The following SCHIP1 variants were observed in gnomAD, a reference collection of about 807,000 sequenced individuals.
SCHIP1 encodes the protein schwannomin-interacting protein 1.
SCHIP1 carries 8 observed loss-of-function variants against 29.7 expected under a neutral mutation model. The ratio of observed to expected loss-of-function variants is 0.27; its 90% CI spans 0.16 to 0.49. The LOEUF is 0.49. SCHIP1 is among the 20% of genes least tolerant of loss of function. The probability of loss-of-function intolerance (pLI) is 0.99; values close to 1 mark genes in which losing one functional copy is unlikely to be tolerated. For synonymous variants in SCHIP1, 76 were observed against 94.9 expected (o/e 0.80, Z 1.16); for missense variants, 193 against 294.6 (o/e 0.66, Z 2.52).
intron 1 of SCHIP1, 107 bp from the exon 3 acceptor site, chr3:159,866,056 G>A: frequency 1.1e-6 from 1 of 935,190 alleles, no homozygotes; most frequent in Non-Finnish European, 1.7e-6. Flanking sequence ...CTATTTATTT[G>A]TTTTTCATCT....
the SCHIP1 span, among the ~76,000 whole-genome samples, chr3:159,773,210 C>T: frequency 6.6e-6 from 1 of 152,344 alleles, no homozygotes; most frequent in East Asian, 1.9e-4. Context: ...GCTCTCAGCA[C>T]AAATGCACTT....
At chr3:159,457,938 T>C in the SCHIP1 span, among the ~76,000 whole-genome samples, 1 of 152,164 alleles carries the variant, frequency 6.6e-6, no homozygotes, top group African/African-American at 2.4e-5. Flanking sequence ...ACTGGAATTA[T>C]GGAAGGCAAA....
chr3:159,439,493 C>A, the SCHIP1 span, among the ~76,000 whole-genome samples: 2,802 of 152,210 alleles, frequency 0.018, 93 homozygotes, highest in African/African-American at 0.064. Flanking sequence ...ATTCAATTAC[C>A]TCCAGATGGT....
At chr3:159,503,857 G>T in the SCHIP1 span, among the ~76,000 whole-genome samples, 1 of 152,184 alleles carries the variant, frequency 6.6e-6, no homozygotes, top group Non-Finnish European at 1.5e-5. Flanking sequence ...TAGGTGCCAG[G>T]AATCATAGAT....
the SCHIP1 span, among the ~76,000 whole-genome samples, chr3:159,384,212 T>G: frequency 1.5e-4 from 22 of 150,832 alleles, no homozygotes; most frequent in East Asian, 2.6e-3. Context: ...TGCTTCCAGT[T>G]TTTGCCCATT....
the SCHIP1 span, among the ~76,000 whole-genome samples, chr3:159,367,398 C>CAAAAAAAAA: frequency 7.8e-6 from 1 of 128,110 alleles, no homozygotes. Context: ...AACTCCATCT[C>CAAAAAAAAA]AAAAAAAAAA....
chr3:159,708,106 G>A, the SCHIP1 span, among the ~76,000 whole-genome samples: 1 of 152,182 alleles, frequency 6.6e-6, no homozygotes, highest in Non-Finnish European at 1.5e-5. Context: ...CACAAAGTGG[G>A]CCTGAGTCTT....
At chr3:159,468,100 A>G in the SCHIP1 span, among the ~76,000 whole-genome samples, 35 of 152,208 alleles carry the variant, frequency 2.3e-4, no homozygotes, top group African/African-American at 8.2e-4. Flanking sequence ...CAAAGTCTAT[A>G]TTATTTTCTT....
the SCHIP1 span, among the ~76,000 whole-genome samples, chr3:159,749,853 TATA>T: frequency 6.6e-6 from 1 of 152,210 alleles, no homozygotes; most frequent in Non-Finnish European, 1.5e-5. Context: ...CGTATTATAG[TATA>T]ATAAAGTGGA....
the SCHIP1 span, among the ~76,000 whole-genome samples, chr3:159,724,853 A>G: frequency 6.6e-6 from 1 of 152,238 alleles, no homozygotes; most frequent in Non-Finnish European, 1.5e-5. Context: ...CATGTAACTC[A>G]ATGGGAATTC....
the SCHIP1 span, among the ~76,000 whole-genome samples, chr3:159,379,947 C>CTCTT: frequency 8.4e-4 from 128 of 152,284 alleles, 1 homozygote; most frequent in African/African-American, 3.0e-3. Context: ...ACTATATTTT[C>CTCTT]TCTTTGTTTT....
the SCHIP1 span, among the ~76,000 whole-genome samples, chr3:159,676,841 A>T: frequency 6.6e-6 from 1 of 152,186 alleles, no homozygotes; most frequent in Non-Finnish European, 1.5e-5. Context: ...AAGTCTTCCT[A>T]CTCAGAATTT....
At chr3:159,417,406 T>A in the SCHIP1 span, among the ~76,000 whole-genome samples, 4 of 152,214 alleles carry the variant, frequency 2.6e-5, no homozygotes, top group Admixed American at 2.6e-4. Flanking sequence ...TTAAAATTAA[T>A]CTTTATCCAT....
chr3:159,746,374 G>C, the SCHIP1 span, among the ~76,000 whole-genome samples: 1 of 152,030 alleles, frequency 6.6e-6, no homozygotes, highest in Non-Finnish European at 1.5e-5. Context: ...TTGTCCTGAT[G>C]TGTGGCTTAT....
the SCHIP1 span, among the ~76,000 whole-genome samples, chr3:159,422,014 T>C: frequency 6.6e-6 from 1 of 152,248 alleles, no homozygotes; most frequent in African/African-American, 2.4e-5. Flanking sequence ...CTTCTGAAAG[T>C]GAATGGCATA....
chr3:159,284,353 T>C, the SCHIP1 span, among the ~76,000 whole-genome samples: 1 of 152,184 alleles, frequency 6.6e-6, no homozygotes, highest in Non-Finnish European at 1.5e-5. Context: ...CATACTCCTT[T>C]ATTACTTTTA....
chr3:159,747,452 C>A, the SCHIP1 span, among the ~76,000 whole-genome samples: 10 of 152,154 alleles, frequency 6.6e-5, no homozygotes, highest in African/African-American at 9.7e-5. Context: ...TATTTACATT[C>A]ATTTATATTT....
chr3:159,615,189 G>C, the SCHIP1 span, among the ~76,000 whole-genome samples: 1 of 152,214 alleles, frequency 6.6e-6, no homozygotes, highest in South Asian at 2.1e-4. Context: ...AAAACCACAG[G>C]TCCCGTTCAG....
chr3:159,788,151 G>A, the SCHIP1 span, among the ~76,000 whole-genome samples: 10 of 148,684 alleles, frequency 6.7e-5, no homozygotes, highest in African/African-American at 1.6e-4. Context: ...AGGGTGTGAC[G>A]TGGGAGTAGA....
Sources: gnomAD v4.1 joint callset for allele counts (sites outside exome capture counted in the v4.1 genomes callset) on GRCh38, gnomAD v4.1.1 for gene constraint, MANE v1.5 for transcripts, NCBI Gene and HGNC (gene_info 2026-07-23, HGNC 2026-07-21) for gene names.